CHN2: variants seen among roughly 807,000 people sequenced by gnomAD.
CHN2 encodes chimerin 2, also known as beta-chimaerin.
In CHN2, 35 loss-of-function variants were observed where a neutral mutation model predicts 56.3. That is an observed-to-expected ratio of 0.62 (90% CI 0.47 to 0.82). The LOEUF (loss-of-function observed/expected upper bound fraction) is 0.82, where lower values mean the gene tolerates loss of function less well. Ranked by LOEUF, CHN2 falls within the 40% of genes least tolerant of loss-of-function variation. The probability of loss-of-function intolerance (pLI) is 0.00; values close to 1 mark genes in which losing one functional copy is unlikely to be tolerated. For missense variants in CHN2, 491 were observed against 580.5 expected (o/e 0.85, Z 1.58); for synonymous variants, 210 against 212.8 (o/e 0.99, Z 0.12).
chr7:29,288,095 A>G (rs1792302414), intron 1 of CHN2, among the ~76,000 whole-genome samples: 1 of 152,178 alleles, frequency 6.6e-6, no homozygotes, highest in Non-Finnish European at 1.5e-5. Flanking sequence ...ATATATTAGT[A>G]TATTAGACAT....
intron 6 of CHN2, among the ~76,000 whole-genome samples, chr7:29,417,124 C>T (rs1803836477): frequency 6.6e-6 from 1 of 152,208 alleles, no homozygotes; most frequent in Non-Finnish European, 1.5e-5. Flanking sequence ...TGCCAGGGCC[C>T]CAGCTGCTCG....
At chr7:29,331,135 AC>A in intron 1 of CHN2, among the ~76,000 whole-genome samples, 1 of 152,278 alleles carries the variant, frequency 6.6e-6, no homozygotes, top group South Asian at 2.1e-4. Context: ...TCTTAGTCAT[AC>A]TCAGGTCTTG....
intron 6 of CHN2, among the ~76,000 whole-genome samples, chr7:29,453,613 G>T (rs1219871826): frequency 6.6e-6 from 1 of 152,106 alleles, no homozygotes; most frequent in African/African-American, 2.4e-5. Context: ...AGACAATCCT[G>T]CTTGTACCAA....
At chr7:29,233,041 C>T (rs1385144247) in intron 1 of CHN2, among the ~76,000 whole-genome samples, 1 of 152,218 alleles carries the variant, frequency 6.6e-6, no homozygotes, top group African/African-American at 2.4e-5. Context: ...AAAGCCCCCT[C>T]TTGCTTTGAG....
intron 11 of CHN2, among the ~76,000 whole-genome samples, chr7:29,508,332 T>G (rs1790851478): frequency 6.6e-6 from 1 of 150,924 alleles, no homozygotes; most frequent in Admixed American, 6.6e-5. Flanking sequence ...TGACCAAAGG[T>G]AGATTCAGAT....
At chr7:29,367,787 T>A in intron 2 of CHN2, 145 bp from the exon 3 acceptor site, 2 of 542,972 alleles carry the variant, frequency 3.7e-6, no homozygotes, top group Non-Finnish European at 5.8e-6. Flanking sequence ...TTTTCCAGTC[T>A]AAAAAATGTG....
At chr7:29,493,982 T>C (rs1194413164) in intron 7 of CHN2, among the ~76,000 whole-genome samples, 1 of 152,218 alleles carries the variant, frequency 6.6e-6, no homozygotes, top group Non-Finnish European at 1.5e-5. Context: ...TTTCCTATCC[T>C]ACCTTCAGCT....
intron 2 of CHN2, among the ~76,000 whole-genome samples, chr7:29,167,798 C>T (rs1302247058): frequency 6.6e-6 from 1 of 152,210 alleles, no homozygotes; most frequent in East Asian, 1.9e-4. Flanking sequence ...GAAGGAATTG[C>T]ACTTCCTAAA....
chr7:29,277,543 G>A (rs963953901), intron 1 of CHN2, among the ~76,000 whole-genome samples: 1 of 152,232 alleles, frequency 6.6e-6, no homozygotes, highest in African/African-American at 2.4e-5. Flanking sequence ...AGCTACAGTT[G>A]TATTCTGGAA....
intron 1 of CHN2, among the ~76,000 whole-genome samples, chr7:29,241,580 G>A (rs752975871): frequency 5.9e-5 from 9 of 152,116 alleles, no homozygotes; most frequent in African/African-American, 9.7e-5. Context: ...CAGACCATGG[G>A]GGGAAACCTT....
intron 1 of CHN2, among the ~76,000 whole-genome samples, chr7:29,305,274 C>T (rs1166218716): frequency 6.6e-6 from 1 of 152,104 alleles, no homozygotes; most frequent in Non-Finnish European, 1.5e-5. Context: ...TATAAAAGAT[C>T]CTTATCCAAC....
intron 4 of CHN2, among the ~76,000 whole-genome samples, chr7:29,394,286 G>C (rs751712190): frequency 1.3e-5 from 2 of 152,000 alleles, no homozygotes; most frequent in African/African-American, 4.8e-5. Flanking sequence ...CAGCAAATAC[G>C]CATGACCATA....
At chr7:29,330,587 G>A (rs1340581240) in intron 1 of CHN2, among the ~76,000 whole-genome samples, 3 of 152,206 alleles carry the variant, frequency 2.0e-5, no homozygotes, top group African/African-American at 7.2e-5. Context: ...TTGTGTATAA[G>A]TGTGTGTTTT....
At chr7:29,361,381 A>G (rs991471958) in intron 2 of CHN2, among the ~76,000 whole-genome samples, 2 of 152,130 alleles carry the variant, frequency 1.3e-5, no homozygotes, top group Non-Finnish European at 2.9e-5. Flanking sequence ...TCATCTCATT[A>G]TCTTTATAGC....
At chr7:29,484,542 T>A (rs1430033843) in intron 7 of CHN2, among the ~76,000 whole-genome samples, 1 of 152,234 alleles carries the variant, frequency 6.6e-6, no homozygotes, top group African/African-American at 2.4e-5. Flanking sequence ...TCTGCCTCCA[T>A]CTTCATATAG....
At chr7:29,233,050 A>G (rs1349218622) in intron 1 of CHN2, among the ~76,000 whole-genome samples, 1 of 152,114 alleles carries the variant, frequency 6.6e-6, no homozygotes, top group Non-Finnish European at 1.5e-5. Flanking sequence ...TCTTGCTTTG[A>G]GTTTTCTCAA....
intron 6 of CHN2, among the ~76,000 whole-genome samples, chr7:29,443,751 A>G (rs1222179416): frequency 6.6e-6 from 1 of 151,572 alleles, no homozygotes; most frequent in Non-Finnish European, 1.5e-5. Context: ...GGGGTGAGAG[A>G]GAGATGGCAG....
chr7:29,292,923 A>T lies in CHN2; in HGVS notation c.50-61702A>T, dbSNP rs115892746. On this transcript the variant is annotated intron_variant, in intron 1 of 12. Transcript: ENST00000222792. ...GCTGTTTCCACTCTTGCCTCTCTTC[A>T]GTCTATTCTGAACCCAGAAGCCCGA... 6.2e-3 allele frequency: 2,830 copies of T among 456,194 alleles called. 70 individuals carry two copies. The highest frequency in any genetic ancestry group is 0.05 in the African/African-American group (2,521 of 50,136). The allele number at this position is 456,194 out of a possible 1,614,324, so 28.3% of individuals were successfully genotyped here. A position where few individuals can be genotyped will look rare whatever the true frequency, so the allele number is the denominator to read the frequency against.
At chr7:29,147,133 G>C in intron 2 of CHN2, 1 of 854,446 alleles carries the variant, frequency 1.2e-6, no homozygotes. Context: ...TAAGTGACCT[G>C]AGTGTATATT....
Sources: gnomAD v4.1 joint callset for allele counts (sites outside exome capture counted in the v4.1 genomes callset) on GRCh38, gnomAD v4.1.1 for gene constraint, MANE v1.5 for transcripts, NCBI Gene and HGNC (gene_info 2026-07-23, HGNC 2026-07-21) for gene names.